DSE: variants seen among roughly 807,000 people sequenced by gnomAD.
DSE encodes the protein dermatan-sulfate epimerase.
Under a neutral mutation model 84.4 loss-of-function variants are expected in DSE, and 36 were observed. The observed-to-expected ratio is 0.43, with a 90% CI of 0.33 to 0.56. The LOEUF (loss-of-function observed/expected upper bound fraction) is 0.56, where lower values mean the gene tolerates loss of function less well. Ranked by LOEUF, DSE falls within the 20% of genes least tolerant of loss-of-function variation. The probability of loss-of-function intolerance (pLI) is 0.06; values close to 1 mark genes in which losing one functional copy is unlikely to be tolerated. For synonymous variants in DSE, 410 were observed against 430.1 expected (o/e 0.95, Z 0.58); for missense variants, 862 against 1,169.6 (o/e 0.74, Z 3.84).
chr6:116,387,246 GA>G (rs1427421895), intron 1 of DSE, among the ~76,000 whole-genome samples: 2 of 152,060 alleles, frequency 1.3e-5, no homozygotes, highest in African/African-American at 4.8e-5. Flanking sequence ...TTGAATTCTG[GA>G]ATAGTCTCAG....
rs61192389 is a variant in DSE, at chr6:116,265,137, C to T, written c.-54+6170C>T. 5.1e-4 allele frequency among the ~76,000 whole-genome samples: 77 copies of T among 152,258 alleles called. 1 individual carries two copies. In the East Asian group the frequency reaches 0.015, roughly 29 times the overall value. ...AGGCGCCATGCTAGCAGGCATTCAC[C>T]ACAGTGGCAGAGGAAATGCAGCTGC... On this transcript the variant is annotated intron_variant, in intron 2 of 3. Coordinates refer to the DSE transcript ENST00000430252.
intron 2 of DSE, among the ~76,000 whole-genome samples, chr6:116,325,584 C>T (rs1776568461): frequency 1.3e-5 from 2 of 152,080 alleles, no homozygotes; most frequent in Non-Finnish European, 2.9e-5. Context: ...GTTCTCCTGC[C>T]AAGTTAAGAT....
chr6:116,299,887 A>G (rs73767730), intron 2 of DSE, among the ~76,000 whole-genome samples: 6,082 of 152,146 alleles, frequency 0.04, 186 homozygotes, highest in African/African-American at 0.08. Flanking sequence ...ACATTTTACT[A>G]TTTTCTGAGA....
intron 2 of DSE, among the ~76,000 whole-genome samples, chr6:116,298,955 C>T (rs1177292965): frequency 2.6e-5 from 4 of 151,992 alleles, no homozygotes; most frequent in Non-Finnish European, 5.9e-5. Flanking sequence ...CTTTTGAACC[C>T]GTAGGCATTG....
intron 2 of DSE, among the ~76,000 whole-genome samples, chr6:116,414,175 G>A (rs80210067): frequency 0.011 from 1,671 of 152,220 alleles, 41 homozygotes; most frequent in African/African-American, 0.036. Context: ...AGTTCTGGAA[G>A]CTAGAAGTCT....
At chr6:116,345,515 A>G (rs562067794) in intron 2 of DSE, among the ~76,000 whole-genome samples, 90 of 152,370 alleles carry the variant, frequency 5.9e-4, no homozygotes, top group African/African-American at 1.9e-3. Flanking sequence ...CTCCTGAATG[A>G]CTACTGGGTA....
In DSE at chr6:116,387,197, A is replaced by G. The variant is rs548335509; in HGVS notation, c.-53-12001A>G. ...TATGTGATATTTATTGGGTTCAGGA[A>G]AAAGGTCAAAAGGAGGAAAGTTACC... On this transcript the variant is annotated intron_variant, in intron 1 of 5. Coordinates refer to ENST00000644252, the MANE Select transcript of DSE (RefSeq NM_013352.4). Among the ~76,000 whole-genome samples the G allele has an allele frequency of 2.6e-5, 4 of 152,280 alleles. No homozygotes were observed. In the East Asian group the frequency reaches 5.8e-4, roughly 22 times the overall value.
chr6:116,334,866 G>T (rs565269101), intron 2 of DSE, among the ~76,000 whole-genome samples: 1 of 152,242 alleles, frequency 6.6e-6, no homozygotes, highest in South Asian at 2.1e-4. Flanking sequence ...CAGTCAGAAT[G>T]GCTATTAAAA....
intron 2 of DSE, among the ~76,000 whole-genome samples, chr6:116,316,760 G>T (rs1169917704): frequency 6.6e-6 from 1 of 151,810 alleles, no homozygotes; most frequent in Non-Finnish European, 1.5e-5. Flanking sequence ...TTTAACAAAT[G>T]CCTTGGAAAT....
In DSE at chr6:116,436,154, T is replaced by A. The variant is rs2115095121; in HGVS notation, c.1686T>A (p.His562Gln). 2.5e-6 allele frequency: 4 copies of A among 1,613,118 alleles called. No individual in the cohort carries two copies. The highest frequency in any genetic ancestry group is 1.1e-5 in the South Asian group (1 of 91,028). The change falls in exon 6 of 6, where the codon CAT (histidine) becomes CAA (glutamine). Residue 562 changes from histidine to glutamine, a missense_variant. Around this residue, in one of 4 missense-constraint regions of DSE, gnomAD observed 186 missense variants for 255.1 expected, o/e 0.73. Coordinates refer to ENST00000644252, the MANE Select transcript of DSE (RefSeq NM_013352.4). ...TTCAGAGGAATCTCATCCTCCTACA[T>A]CCACAGCTGCTTCTCCTTGTAGACC... is the stretch of plus-strand genomic sequence containing the variant. Reference protein sequence around the residue: ...KNVQRNLILLHPQLLLLVDQI... With the variant: ...KNVQRNLILLQPQLLLLVDQI...
At chr6:116,409,875 G>A (rs1269420718) in intron 2 of DSE, among the ~76,000 whole-genome samples, 3 of 152,142 alleles carry the variant, frequency 2.0e-5, no homozygotes, top group Non-Finnish European at 4.4e-5. Context: ...AGGGGAAAAA[G>A]GAGCCGTGCT....
At chr6:116,301,901 C>T (rs1372372027) in intron 2 of DSE, among the ~76,000 whole-genome samples, 2 of 152,058 alleles carry the variant, frequency 1.3e-5, no homozygotes, top group African/African-American at 4.8e-5. Flanking sequence ...TTTTCTATTC[C>T]TGTGTTAGTT....
intron 2 of DSE, among the ~76,000 whole-genome samples, chr6:116,415,683 C>G (rs886972291): frequency 4.0e-5 from 6 of 151,628 alleles, no homozygotes; most frequent in African/African-American, 1.2e-4. Context: ...TTCTCCCCAG[C>G]CCTTTTATTG....
Position 116,279,335 on chromosome 6 carries a change from C to T in DSE, c.-54+20368C>T. On this transcript the variant is annotated intron_variant, in intron 2 of 3. Coordinates refer to the DSE transcript ENST00000430252. Reference sequence around the variant, plus strand: ...TCAGCGCTCTCCCTCTCAGCCACGGCTGCTGAGACGGTGGCGCACTTTCCT... The same window carrying T: ...TCAGCGCTCTCCCTCTCAGCCACGGTTGCTGAGACGGTGGCGCACTTTCCT... 1 of 1,611,154 alleles carries T rather than the reference C, an allele frequency of 6.2e-7. No homozygotes were observed. The highest frequency in any genetic ancestry group is 8.5e-7 in the Non-Finnish European group (1 of 1,179,984).
intron 2 of DSE, among the ~76,000 whole-genome samples, chr6:116,268,365 A>C (rs1352677564): frequency 6.6e-6 from 1 of 152,210 alleles, no homozygotes; most frequent in African/African-American, 2.4e-5. Context: ...CTACATGTGT[A>C]GTAGGCTATA....
At chr6:116,292,420 C>G (rs1472416935) in intron 2 of DSE, among the ~76,000 whole-genome samples, 1 of 152,020 alleles carries the variant, frequency 6.6e-6, no homozygotes, top group Non-Finnish European at 1.5e-5. Flanking sequence ...GCATGGGTGT[C>G]TTTAGTGAGA....
At chr6:116,316,826 C>CTACTATTATTATTAT (rs59889768) in intron 2 of DSE, among the ~76,000 whole-genome samples, 14,281 of 145,594 alleles carry the variant, frequency 0.098, 758 homozygotes, top group Non-Finnish European at 0.11. Context: ...ACTACTACTA[C>CTACTATTATTATTAT]TATTATTATT....
intron 1 of DSE, among the ~76,000 whole-genome samples, chr6:116,374,399 G>T (rs1317769499): frequency 6.6e-6 from 1 of 152,090 alleles, no homozygotes; most frequent in Non-Finnish European, 1.5e-5. Context: ...CATTATAGTG[G>T]ATACTATTAT....
At chr6:116,341,325 G>A (rs1478754590) in intron 2 of DSE, among the ~76,000 whole-genome samples, 2 of 152,066 alleles carry the variant, frequency 1.3e-5, no homozygotes, top group Non-Finnish European at 2.9e-5. Context: ...TTTTCGATGG[G>A]ATAATTTTTT....
Sources: gnomAD v4.1 joint callset for allele counts (sites outside exome capture counted in the v4.1 genomes callset) on GRCh38, gnomAD v4.1.1 for gene constraint, gnomAD v4.1.1 regional missense constraint, MANE v1.5 for transcripts, NCBI Gene and HGNC (gene_info 2026-07-23, HGNC 2026-07-21) for gene names.